The following FAM13A variants were observed in gnomAD, a reference collection of about 807,000 sequenced individuals.
The protein encoded by FAM13A is family with sequence similarity 13 member A.
In FAM13A, 76 loss-of-function variants were observed where a neutral mutation model predicts 129.6. The ratio of observed to expected loss-of-function variants is 0.59; its 90% CI spans 0.49 to 0.71. FAM13A has a LOEUF of 0.71. Among genes scored for constraint, FAM13A ranks in the 30% least tolerant of loss-of-function variants. FAM13A has a pLI of 0.00. For missense variants in FAM13A, 1,108 were observed against 1,249.3 expected (o/e 0.89, Z 1.70); for synonymous variants, 443 against 449.9 (o/e 0.98, Z 0.20).
At position 88,790,578 on chromosome 4, in the gene FAM13A, T is replaced by C. The variant is rs1418006570; in HGVS notation, c.1091+8A>G. On this transcript the variant is annotated splice_region_variant and intron_variant, in intron 9 of 23. Transcript: ENST00000264344. ...CCAAAGCCCAAAAACCCAACCCAAA[T>C]AACTTACTCTCCGGTTGCAGACACA... 2.2e-6 allele frequency: 3 copies of C among 1,393,974 alleles called. No individual in the cohort carries two copies. The highest frequency in any genetic ancestry group is 4.0e-5 in the Admixed American group (2 of 49,410). The allele number at this position is 1,393,974 out of a possible 1,614,324, so 86.4% of individuals were successfully genotyped here. A position where few individuals can be genotyped will look rare whatever the true frequency, so the allele number is the denominator to read the frequency against.
intron 19 of FAM13A, among the ~76,000 whole-genome samples, chr4:88,739,621 CAAAA>C (rs5860146): frequency 7.1e-5 from 8 of 112,644 alleles, no homozygotes; most frequent in African/African-American, 1.6e-4. Flanking sequence ...CTAAAAAATA[CAAAA>C]AAAAAAAAAA....
chr4:88,840,858 GA>G (rs1735689959), intron 7 of FAM13A, among the ~76,000 whole-genome samples: 3 of 152,182 alleles, frequency 2.0e-5, no homozygotes, highest in Admixed American at 2.0e-4. Context: ...TTTTTGACAA[GA>G]GGGCCAAAAC....
At chr4:88,873,847 T>G (rs1741882111) in intron 6 of FAM13A, among the ~76,000 whole-genome samples, 1 of 152,016 alleles carries the variant, frequency 6.6e-6, no homozygotes, top group African/African-American at 2.4e-5. Flanking sequence ...AAAAGAGAAT[T>G]TTAGACCAAT....
At chr4:89,016,436 G>A (rs1254661361) in intron 3 of FAM13A, among the ~76,000 whole-genome samples, 1 of 152,000 alleles carries the variant, frequency 6.6e-6, no homozygotes, top group African/African-American at 2.4e-5. Flanking sequence ...ATTTAGTTTA[G>A]CTTAAGTGTA....
At chr4:88,898,213 T>C (rs1334581290) in intron 6 of FAM13A, among the ~76,000 whole-genome samples, 1 of 152,186 alleles carries the variant, frequency 6.6e-6, no homozygotes, top group Non-Finnish European at 1.5e-5. Flanking sequence ...CACCTCAAAG[T>C]AGTCGATACA....
At chr4:89,026,930 A>G (rs73845233) in intron 2 of FAM13A, among the ~76,000 whole-genome samples, 1,877 of 152,304 alleles carry the variant, frequency 0.012, 33 homozygotes, top group African/African-American at 0.041. Context: ...GTTGATAGGA[A>G]CATGTGATGA....
At chr4:88,987,623 G>A (rs1485721385) in intron 4 of FAM13A, among the ~76,000 whole-genome samples, 3 of 151,836 alleles carry the variant, frequency 2.0e-5, no homozygotes, top group Non-Finnish European at 4.4e-5. Flanking sequence ...GGGAGGCCGA[G>A]GCGGGCGGAT....
intron 4 of FAM13A, among the ~76,000 whole-genome samples, chr4:88,940,766 A>G (rs576277771): frequency 1.3e-5 from 2 of 152,346 alleles, no homozygotes; most frequent in Non-Finnish European, 2.9e-5. Context: ...GGCCTCTAGG[A>G]ACTGAAAAGC....
chr4:89,016,789 C>T (rs1766553271), intron 3 of FAM13A, among the ~76,000 whole-genome samples: 1 of 152,110 alleles, frequency 6.6e-6, no homozygotes, highest in Admixed American at 6.6e-5. Flanking sequence ...TGCATGCCTC[C>T]ACGCCCTGCT....
At chr4:88,999,878 T>C (rs951060683) in intron 3 of FAM13A, among the ~76,000 whole-genome samples, 2 of 152,222 alleles carry the variant, frequency 1.3e-5, no homozygotes, top group South Asian at 2.1e-4. Context: ...TCAACTGATA[T>C]TCTTTAACCA....
chr4:88,727,909 G>A lies in FAM13A; in HGVS notation c.*624C>T, dbSNP rs1286055152. On this transcript the variant is annotated 3_prime_UTR_variant, in exon 24 of 24. Transcript: ENST00000264344. ...CCTGAAGAAACATCCTGAAGATGAT[G>A]ACTGCACTGCCATCGTGGGCAGATG... The A allele has an allele frequency of 6.6e-6, 1 of 152,670 alleles. No individual in the cohort carries two copies. Among genetic ancestry groups the A allele is most frequent in the African/African-American group, 2.4e-5 (1 of 41,462 alleles). 9.5% of individuals were successfully genotyped at this position (152,670 alleles called of 1,614,324 possible).
In FAM13A at chr4:88,870,496, T is replaced by TG. The variant is rs557256994; in HGVS notation, c.844-19314dup. On this transcript the variant is annotated intron_variant, in intron 6 of 23. Transcript: ENST00000264344. ...AGGAGATTATACCCCGCGCCTGGCT[T>TG]GGGGGGGGTCCCGCGCCCACAGAGC... 4.4e-3 allele frequency among the ~76,000 whole-genome samples: 662 copies of TG among 152,022 alleles called. 1 individual carries two copies. Among genetic ancestry groups the TG allele is most frequent in the African/African-American group, 5.8e-3 (239 of 41,452 alleles).
chr4:88,881,836 C>G (rs1328490979), intron 6 of FAM13A, among the ~76,000 whole-genome samples: 1 of 151,970 alleles, frequency 6.6e-6, no homozygotes, highest in African/African-American at 2.4e-5. Flanking sequence ...GTAAAATATA[C>G]TGGAACGTGT....
intron 3 of FAM13A, among the ~76,000 whole-genome samples, chr4:88,999,848 C>T (rs190390935): frequency 6.6e-6 from 1 of 152,158 alleles, no homozygotes; most frequent in Non-Finnish European, 1.5e-5. Flanking sequence ...GGCTAGCAAG[C>T]TAATCATCTG....
intron 11 of FAM13A, among the ~76,000 whole-genome samples, chr4:88,779,966 T>G (rs527740662): frequency 6.6e-5 from 10 of 152,290 alleles, no homozygotes; most frequent in African/African-American, 2.4e-4. Flanking sequence ...ATGGGCCAAT[T>G]AGAGAGCTAA....
chr4:88,913,346 G>A (rs1399858589), intron 5 of FAM13A, among the ~76,000 whole-genome samples: 1 of 142,366 alleles, frequency 7.0e-6, no homozygotes, highest in Non-Finnish European at 1.5e-5. Flanking sequence ...AGAAGAGGAA[G>A]AAGAGGAGGA....
intron 6 of FAM13A, chr4:88,905,550 T>TCCTC (rs1247855801): frequency 6.6e-6 from 1 of 152,194 alleles, no homozygotes; most frequent in Non-Finnish European, 1.5e-5. Context: ...TTTCTCTTCC[T>TCCTC]CCTCCCACCC....
intron 6 of FAM13A, among the ~76,000 whole-genome samples, chr4:88,903,694 A>T (rs1220041277): frequency 4.6e-5 from 7 of 152,208 alleles, no homozygotes; most frequent in African/African-American, 1.7e-4. Context: ...TCTAGGCAAT[A>T]CCATTCAGGA....
At chr4:88,787,538 G>A (rs1224542579) in intron 10 of FAM13A, among the ~76,000 whole-genome samples, 1 of 152,100 alleles carries the variant, frequency 6.6e-6, no homozygotes, top group Non-Finnish European at 1.5e-5. Context: ...CATACCAAAT[G>A]TCTGGATGAA....
Sources: allele counts gnomAD v4.1 joint callset (sites outside exome capture counted in the v4.1 genomes callset), GRCh38; gene constraint gnomAD v4.1.1; transcripts MANE v1.5; gene names NCBI Gene and HGNC (gene_info 2026-07-23, HGNC 2026-07-21).